The following ZNF567 variants were observed in gnomAD, a reference collection of about 807,000 sequenced individuals.
The protein encoded by ZNF567 is zinc finger protein 567.
Under a neutral mutation model 53.9 loss-of-function variants are expected in ZNF567, and 36 were observed. That is an observed-to-expected ratio of 0.67 (90% CI 0.51 to 0.88). The LOEUF (loss-of-function observed/expected upper bound fraction) is 0.88, where lower values mean the gene tolerates loss of function less well. Among genes scored for constraint, ZNF567 ranks in the 40% least tolerant of loss-of-function variants. The pLI is 0.00. For missense variants in ZNF567, 619 were observed against 764.7 expected (o/e 0.81, Z 2.25); for synonymous variants, 224 against 260.4 (o/e 0.86, Z 1.35).
At chr19:36,714,204 C>T (rs940884485) in intron 5 of ZNF567, among the ~76,000 whole-genome samples, 1 of 152,046 alleles carries the variant, frequency 6.6e-6, no homozygotes, top group African/African-American at 2.4e-5. Flanking sequence ...CTCTGTAGCC[C>T]AGGCTGGAAT....
intron 3 of ZNF567, among the ~76,000 whole-genome samples, chr19:36,701,708 T>C (rs200290829): frequency 0.29 from 41,369 of 141,984 alleles, 6,050 homozygotes; most frequent in East Asian, 0.54. Flanking sequence ...TTGATCTTCG[T>C]TGGTTTAAAG....
intron 2 of ZNF567, among the ~76,000 whole-genome samples, chr19:36,693,279 C>A (rs2038716838): frequency 6.6e-6 from 1 of 152,068 alleles, no homozygotes; most frequent in African/African-American, 2.4e-5. Flanking sequence ...CAGAGTGAGA[C>A]CCTGTCTCAA....
intron 5 of ZNF567, among the ~76,000 whole-genome samples, chr19:36,713,247 G>A (rs1223329666): frequency 6.6e-6 from 1 of 152,102 alleles, no homozygotes; most frequent in Admixed American, 6.5e-5. Flanking sequence ...TTGAGCCCAG[G>A]AGTTTGCAAC....
chr19:36,689,036 G>A (rs554008377), intron 1 of ZNF567, among the ~76,000 whole-genome samples: 56 of 152,258 alleles, frequency 3.7e-4, no homozygotes, highest in Non-Finnish European at 6.3e-4. Flanking sequence ...GGTGGAAGTT[G>A]CAGTGAGCCA....
intron 1 of ZNF567, among the ~76,000 whole-genome samples, chr19:36,689,038 A>G (rs2038438165): frequency 6.6e-6 from 1 of 152,302 alleles, no homozygotes; most frequent in African/African-American, 2.4e-5. Flanking sequence ...TGGAAGTTGC[A>G]GTGAGCCAAG....
intron 3 of ZNF567, among the ~76,000 whole-genome samples, chr19:36,707,465 T>G (rs2039555867): frequency 6.6e-6 from 1 of 152,254 alleles, no homozygotes; most frequent in African/African-American, 2.4e-5. Context: ...TTTCATATCA[T>G]GTATTTTTCT....
At chr19:36,690,586 G>A (rs1419471877) in intron 2 of ZNF567, among the ~76,000 whole-genome samples, 2 of 152,278 alleles carry the variant, frequency 1.3e-5, no homozygotes, top group East Asian at 3.9e-4. Context: ...GTGAGACTTT[G>A]TTTCAAAACA....
At position 36,719,020 on chromosome 19, in the gene ZNF567, T is replaced by A. The variant is rs150023178; in HGVS notation, c.296T>A (p.Val99Glu). 6.2e-7 allele frequency: 1 copy of A among 1,609,650 alleles called. No individual in the cohort carries two copies. Among genetic ancestry groups the A allele is most frequent in the Non-Finnish European group, 8.5e-7 (1 of 1,178,798 alleles). ...EHQEKYSRSV[V>E]SINHKKLVKE... ...CAAGAGAAGTATTCTAGATCAGTTG[T>A]AAGCATCAACCACAAAAAACTGGTG... is the stretch of plus-strand genomic sequence containing the variant. Residue 99 changes from valine (V) to glutamate (E), a missense_variant, in exon 6 of 6, where the codon GTA (valine) becomes GAA (glutamate). By Grantham distance (121) the Val-to-Glu change is moderately radical. Transcript: ENST00000682579.
chr19:36,715,248 C>T (rs781183393), intron 5 of ZNF567, among the ~76,000 whole-genome samples: 2 of 150,846 alleles, frequency 1.3e-5, no homozygotes, highest in Non-Finnish European at 3.0e-5. Context: ...GCAAACTCCA[C>T]CTCCTGGGTT....
At chr19:36,713,785 A>T (rs955617828) in intron 5 of ZNF567, among the ~76,000 whole-genome samples, 1 of 151,998 alleles carries the variant, frequency 6.6e-6, no homozygotes, top group Admixed American at 6.5e-5. Flanking sequence ...AAATACAAAA[A>T]TTAGCTGGGT....
chr19:36,686,384 T>C (rs1459614819), upstream of ZNF567: 2 of 152,096 alleles, frequency 1.3e-5, no homozygotes, highest in Non-Finnish European at 2.9e-5. Context: ...TGGAAAAAAT[T>C]ATTGCCACCA....
rs1392191596 is a variant in ZNF567, at chr19:36,719,103, T to A, written c.379T>A (p.Ser127Thr). 1 of 1,611,170 alleles carries A rather than the reference T, an allele frequency of 6.2e-7. No homozygotes were observed. The change falls in exon 6 of 6, where the codon TCA becomes ACA. Residue 127 changes from serine to threonine, a missense_variant. Ser to Thr is a moderately conservative substitution (Grantham distance 58, BLOSUM62 1). Coordinates refer to ENST00000682579, the MANE Select transcript of ZNF567 (RefSeq NM_001322917.1). ...TFTLGKNPVN[S>T]KNLPPEYDTH... ...TACTCTAGGCAAAAACCCTGTGAAT[T>A]CAAAAAATCTACCTCCTGAATATGA...
chr19:36,683,168 G>A (rs2038213135), upstream of ZNF567, among the ~76,000 whole-genome samples: 1 of 151,476 alleles, frequency 6.6e-6, no homozygotes, highest in African/African-American at 2.4e-5. Context: ...ATATCCTTGG[G>A]CTCAGGTGAT....
the ZNF567 span, among the ~76,000 whole-genome samples, chr19:36,679,012 C>T: frequency 0.02 from 3,025 of 148,522 alleles, 35 homozygotes; most frequent in Non-Finnish European, 0.032. Context: ...AGGGGCCGAG[C>T]GCGGTGGCTC....
At chr19:36,692,521 C>T (rs777694232) in intron 2 of ZNF567, among the ~76,000 whole-genome samples, 5 of 151,976 alleles carry the variant, frequency 3.3e-5, no homozygotes, top group Non-Finnish European at 5.9e-5. Flanking sequence ...TACAGGTACA[C>T]GCCCCCATGC....
At chr19:36,681,021 T>C in the ZNF567 span, among the ~76,000 whole-genome samples, 1 of 152,238 alleles carries the variant, frequency 6.6e-6, no homozygotes, top group Non-Finnish European at 1.5e-5. Context: ...CATGGACATA[T>C]CTTTTTGCAG....
At chr19:36,699,262 TTCTGTTCCATTGATCTATATC>T (rs2039050479) in intron 3 of ZNF567, among the ~76,000 whole-genome samples, 1 of 152,194 alleles carries the variant, frequency 6.6e-6, no homozygotes, top group African/African-American at 2.4e-5. Flanking sequence ...GAGGGCTCTG[TTCTGTTCCATTGATCTATATC>T]TCTGTTTTGG....
intron 3 of ZNF567, among the ~76,000 whole-genome samples, chr19:36,708,709 G>C (rs1300755257): frequency 6.6e-6 from 1 of 152,096 alleles, no homozygotes; most frequent in African/African-American, 2.4e-5. Flanking sequence ...AATGCCATTT[G>C]GTTAGAATCT....
At position 36,720,317 on chromosome 19, in the gene ZNF567, A is replaced by G. The variant is rs1370439676; in HGVS notation, c.1593A>G (p.Lys531=). The change falls in exon 6 of 6, where the codon AAA becomes AAG. Residue 531 remains lysine, a synonymous_variant. Transcript: ENST00000682579. ...ATCAGAGAATTCATACAGGGGAGAA[A>G]CCCTATGTTTGTAATGAATGTGGGA... The part of the protein sequence containing the change: ...NLHQRIHTGE[K]PYVCNECGKS... The G allele has an allele frequency of 6.2e-7, 1 of 1,614,074 alleles. No individual in the cohort carries two copies. Among genetic ancestry groups the G allele is most frequent in the Admixed American group, 1.7e-5 (1 of 60,012 alleles).
Sources: gnomAD v4.1 joint callset for allele counts (sites outside exome capture counted in the v4.1 genomes callset) on GRCh38, gnomAD v4.1.1 for gene constraint, MANE v1.5 for transcripts, NCBI Gene and HGNC (gene_info 2026-07-23, HGNC 2026-07-21) for gene names.